The following RBFOX1 variants were observed in gnomAD, a reference collection of about 807,000 sequenced individuals.
RBFOX1 encodes RNA binding fox-1 homolog 1.
RBFOX1 carries 8 observed loss-of-function variants against 57.7 expected under a neutral mutation model. That is an observed-to-expected ratio of 0.14 (90% CI 0.08 to 0.25). The LOEUF (loss-of-function observed/expected upper bound fraction) is 0.25. Ranked by LOEUF, RBFOX1 falls within the 10% of genes least tolerant of loss-of-function variation. The pLI, the probability that RBFOX1 is intolerant of heterozygous loss-of-function variation, is 1.00. For synonymous variants in RBFOX1, 326 were observed against 222.4 expected (o/e 1.47, Z -4.15); for missense variants, 611 against 548.5 (o/e 1.11, Z -1.14).
At position 6,920,651 on chromosome 16, in the gene RBFOX1, C is replaced by T. The variant is rs147578057; in HGVS notation, c.-15-131406C>T. 2.3e-3 allele frequency among the ~76,000 whole-genome samples: 343 copies of T among 152,256 alleles called. 1 individual carries two copies. Among genetic ancestry groups the T allele is most frequent in the African/African-American group, 7.5e-3 (313 of 41,548 alleles). ...CTTCTGGAAGCTTTGAGGGAGAATA[C>T]ATTTCATACCTCTTCCCTAGTTTCT... On this transcript the variant is annotated intron_variant, in intron 3 of 15. Transcript: ENST00000550418.
intron 3 of RBFOX1, among the ~76,000 whole-genome samples, chr16:5,824,037 G>A (rs913863615): frequency 6.6e-6 from 1 of 152,326 alleles, no homozygotes; most frequent in South Asian, 2.1e-4. Flanking sequence ...CCTGTAGCCA[G>A]ATGGCCTGGT....
chr16:5,392,559 G>C (rs2066442585), intron 1 of RBFOX1, among the ~76,000 whole-genome samples: 1 of 147,770 alleles, frequency 6.8e-6, no homozygotes, highest in Non-Finnish European at 1.5e-5. Context: ...TTTTTTTTGA[G>C]ACAGGGTCTC....
intron 3 of RBFOX1, among the ~76,000 whole-genome samples, chr16:6,815,383 G>A (rs898736467): frequency 3.3e-5 from 5 of 152,112 alleles, no homozygotes; most frequent in Admixed American, 1.3e-4. Flanking sequence ...TGGGAATGCA[G>A]CCCAGTAGAT....
chr16:7,257,102 C>T (rs920535952), intron 4 of RBFOX1, among the ~76,000 whole-genome samples: 2 of 152,150 alleles, frequency 1.3e-5, no homozygotes, highest in African/African-American at 4.8e-5. Flanking sequence ...TGCCATCGTC[C>T]TTCAGTGAAC....
intron 3 of RBFOX1, among the ~76,000 whole-genome samples, chr16:7,041,921 T>C (rs1410740844): frequency 8.0e-6 from 1 of 125,668 alleles, no homozygotes; most frequent in Non-Finnish European, 1.6e-5. Context: ...ATATTATCTC[T>C]ATGGTACAAA....
intron 3 of RBFOX1, among the ~76,000 whole-genome samples, chr16:5,705,363 G>A (rs2051203039): frequency 6.6e-6 from 1 of 152,136 alleles, no homozygotes; most frequent in Non-Finnish European, 1.5e-5. Context: ...CTGGGCTAAA[G>A]CTATCTTCCC....
chr16:6,479,976 A>G (rs1313904309), intron 2 of RBFOX1, among the ~76,000 whole-genome samples: 2 of 147,896 alleles, frequency 1.4e-5, no homozygotes, highest in Admixed American at 6.8e-5. Flanking sequence ...GCTTAAACCC[A>G]GGGGCAGAGG....
intron 14 of RBFOX1, among the ~76,000 whole-genome samples, chr16:7,685,563 A>G (rs2075888408): frequency 6.6e-6 from 1 of 152,124 alleles, no homozygotes; most frequent in Admixed American, 6.6e-5. Context: ...AATCAGAAAG[A>G]GATGAAGAAG....
chr16:6,352,789 C>T (rs1432712615), intron 2 of RBFOX1, among the ~76,000 whole-genome samples: 1 of 152,196 alleles, frequency 6.6e-6, no homozygotes, highest in Non-Finnish European at 1.5e-5. Context: ...CGCTGCCTTG[C>T]CCATCTATTT....
At chr16:6,181,875 C>G (rs7186012) in intron 1 of RBFOX1, among the ~76,000 whole-genome samples, 143,009 of 152,142 alleles carry the variant, frequency 0.94, 67,467 homozygotes, top group East Asian at 1. Flanking sequence ...GTTGTAGGTT[C>G]CTTCCAGCCG....
intron 3 of RBFOX1, among the ~76,000 whole-genome samples, chr16:5,764,797 AT>A (rs34048578): frequency 2.0e-5 from 3 of 151,846 alleles, no homozygotes; most frequent in South Asian, 2.1e-4. Flanking sequence ...AACCATCATC[AT>A]TTTTTTTATC....
chr16:6,840,694 C>T (rs1012060162), intron 3 of RBFOX1, among the ~76,000 whole-genome samples: 5 of 152,018 alleles, frequency 3.3e-5, no homozygotes, highest in Admixed American at 3.3e-4. Context: ...CGAGACCATC[C>T]TGGCCAACAT....
intron 4 of RBFOX1, among the ~76,000 whole-genome samples, chr16:7,516,778 A>C (rs1213528017): frequency 6.6e-6 from 1 of 152,106 alleles, no homozygotes; most frequent in Admixed American, 6.5e-5. Context: ...TTAACATTCT[A>C]ATTAAGGTCC....
At chr16:5,859,503 G>A (rs889083180) in intron 3 of RBFOX1, among the ~76,000 whole-genome samples, 1 of 152,160 alleles carries the variant, frequency 6.6e-6, no homozygotes, top group Non-Finnish European at 1.5e-5. Flanking sequence ...TAAAGATCAG[G>A]CATTTTTGTC....
chr16:6,094,841 C>A, intron 1 of RBFOX1, among the ~76,000 whole-genome samples: 1 of 152,176 alleles, frequency 6.6e-6, no homozygotes, highest in East Asian at 1.9e-4. Context: ...AGGCGGATCA[C>A]CTGAGGTCAT....
chr16:5,615,750 G>T lies in RBFOX1; in HGVS notation c.318+16789G>T, dbSNP rs62016932. Among the ~76,000 whole-genome samples the T allele has an allele frequency of 4.8e-3, 724 of 152,300 alleles. 7 individuals are homozygous for T. Among genetic ancestry groups the T allele is most frequent in the Non-Finnish European group, 8.3e-3 (562 of 68,020 alleles). On this transcript the variant is annotated intron_variant, in intron 3 of 19. Coordinates refer to the RBFOX1 transcript ENST00000641259. The stretch of plus-strand genomic sequence containing the variant: ...AGCCTGGATCAACTTGGGGGACCCC[G>T]TTAGGAAAAAGGACCCCAGATGATG...
chr16:7,078,621 T>A (rs566814856), intron 4 of RBFOX1, among the ~76,000 whole-genome samples: 1 of 152,066 alleles, frequency 6.6e-6, no homozygotes, highest in African/African-American at 2.4e-5. Flanking sequence ...GTGTTGAGAT[T>A]ACAGGCATGA....
At chr16:7,642,078 G>A (rs2062913170) in intron 11 of RBFOX1, among the ~76,000 whole-genome samples, 1 of 152,172 alleles carries the variant, frequency 6.6e-6, no homozygotes, top group Non-Finnish European at 1.5e-5. Flanking sequence ...CCACGCCACT[G>A]CACTCTAGCC....
intron 1 of RBFOX1, among the ~76,000 whole-genome samples, chr16:6,080,734 A>G (rs1024248629): frequency 6.6e-6 from 1 of 152,202 alleles, no homozygotes. Context: ...ATACTATTAA[A>G]AGAATGCCAC....
Sources: gnomAD v4.1 joint callset for allele counts (sites outside exome capture counted in the v4.1 genomes callset) on GRCh38, gnomAD v4.1.1 for gene constraint, MANE v1.5 for transcripts, NCBI Gene and HGNC (gene_info 2026-07-23, HGNC 2026-07-21) for gene names.